SPIDR: variants seen among roughly 807,000 people sequenced by gnomAD.
SPIDR encodes DNA repair-scaffolding protein.
In SPIDR, 93 loss-of-function variants were observed where a neutral mutation model predicts 104.6. That is an observed-to-expected ratio of 0.89 (90% CI 0.75 to 1.06). SPIDR has a LOEUF of 1.06. Among genes scored for constraint, SPIDR ranks in the 50% least tolerant of loss-of-function variants. The pLI is 0.00. For synonymous variants in SPIDR, 431 were observed against 416.9 expected (o/e 1.03, Z -0.41); for missense variants, 1,154 against 1,111.2 (o/e 1.04, Z -0.55).
intron 7 of SPIDR, among the ~76,000 whole-genome samples, chr8:47,423,829 G>A (rs1219191352): frequency 6.6e-6 from 1 of 152,080 alleles, no homozygotes; most frequent in Non-Finnish European, 1.5e-5. Context: ...ATAGAGGCAA[G>A]GGGAAAATAC....
At chr8:47,654,060 T>C (rs1273115376) in intron 10 of SPIDR, 2 of 1,289,606 alleles carry the variant, frequency 1.6e-6, no homozygotes, top group African/African-American at 3.0e-5. Flanking sequence ...AGGGGCGTGG[T>C]AGCAGCATCT....
At chr8:47,307,032 A>G (rs903948439) in intron 5 of SPIDR, among the ~76,000 whole-genome samples, 1 of 152,100 alleles carries the variant, frequency 6.6e-6, no homozygotes, top group African/African-American at 2.4e-5. Flanking sequence ...CCATTCTGTC[A>G]ATCTCTGTCT....
intron 5 of SPIDR, among the ~76,000 whole-genome samples, chr8:47,381,129 C>A (rs1212003332): frequency 6.6e-6 from 1 of 152,240 alleles, no homozygotes; most frequent in Admixed American, 6.5e-5. Flanking sequence ...CATGGCTGCA[C>A]TGGGGTAATA....
At chr8:47,538,529 G>A (rs2087404281) in intron 8 of SPIDR, among the ~76,000 whole-genome samples, 1 of 152,074 alleles carries the variant, frequency 6.6e-6, no homozygotes, top group Admixed American at 6.5e-5. Flanking sequence ...AGACAACAGA[G>A]TGAGACTCTG....
intron 8 of SPIDR, among the ~76,000 whole-genome samples, chr8:47,557,517 T>G (rs1044825867): frequency 2.0e-5 from 3 of 152,190 alleles, no homozygotes; most frequent in Non-Finnish European, 4.4e-5. Context: ...AGAAACTGAT[T>G]ATATAATATT....
At chr8:47,491,629 CA>C (rs1440544142) in intron 8 of SPIDR, among the ~76,000 whole-genome samples, 1 of 152,078 alleles carries the variant, frequency 6.6e-6, no homozygotes, top group African/African-American at 2.4e-5. Flanking sequence ...TGCTGAGGGC[CA>C]GGGGCAGCTG....
chr8:47,275,668 G>A (rs1441815289), intron 1 of SPIDR, among the ~76,000 whole-genome samples: 2 of 152,152 alleles, frequency 1.3e-5, no homozygotes, highest in Non-Finnish European at 2.9e-5. Context: ...GGAAGATAAT[G>A]TCTAATCAGA....
chr8:47,495,123 A>T (rs1392859792), intron 8 of SPIDR, among the ~76,000 whole-genome samples: 1 of 152,146 alleles, frequency 6.6e-6, no homozygotes, highest in Non-Finnish European at 1.5e-5. Flanking sequence ...CAAGAATCTG[A>T]TTGAAATAAC....
At chr8:47,627,411 A>T (rs1158144786) in intron 10 of SPIDR, among the ~76,000 whole-genome samples, 2 of 152,186 alleles carry the variant, frequency 1.3e-5, no homozygotes, top group African/African-American at 4.8e-5. Flanking sequence ...TTAAAAAAAA[A>T]GAAATGATTT....
At chr8:47,662,385 T>G (rs558892482) in intron 10 of SPIDR, among the ~76,000 whole-genome samples, 1 of 152,300 alleles carries the variant, frequency 6.6e-6, no homozygotes, top group Non-Finnish European at 1.5e-5. Context: ...GTCTTCCAGT[T>G]CTTAATTTTA....
chr8:47,510,702 G>A (rs2082187440), intron 8 of SPIDR, among the ~76,000 whole-genome samples: 1 of 152,008 alleles, frequency 6.6e-6, no homozygotes, highest in Non-Finnish European at 1.5e-5. Context: ...AATTGTATAA[G>A]AATTATGTGT....
chr8:47,481,130 T>C (rs144218849), intron 8 of SPIDR, among the ~76,000 whole-genome samples: 1 of 152,336 alleles, frequency 6.6e-6, no homozygotes, highest in East Asian at 1.9e-4. Flanking sequence ...TACTGTTGAA[T>C]ATATGTGAGG....
intron 10 of SPIDR, among the ~76,000 whole-genome samples, chr8:47,615,654 G>C (rs931405657): frequency 2.6e-5 from 4 of 151,686 alleles, no homozygotes; most frequent in Non-Finnish European, 5.9e-5. Flanking sequence ...TAAACCCCAG[G>C]CACTCCACCA....
chr8:47,700,274 G>A (rs151124322), intron 11 of SPIDR, 129 bp from the exon 12 acceptor site: 354 of 951,092 alleles, frequency 3.7e-4, no homozygotes, highest in Middle Eastern at 1.3e-3. Context: ...CCTCTGAATC[G>A]CCACACATCT....
At chr8:47,493,439 A>G (rs1387464384) in intron 8 of SPIDR, among the ~76,000 whole-genome samples, 3 of 152,216 alleles carry the variant, frequency 2.0e-5, no homozygotes, top group Non-Finnish European at 4.4e-5. Context: ...GTGGGACTCC[A>G]AAAATAGGAT....
chr8:47,584,716 C>T (rs2060087077), intron 8 of SPIDR, among the ~76,000 whole-genome samples: 1 of 152,190 alleles, frequency 6.6e-6, no homozygotes, highest in Admixed American at 6.5e-5. Context: ...TTTATCATAT[C>T]TTTAAAAAAT....
At chr8:47,581,528 C>T (rs948468911) in intron 8 of SPIDR, among the ~76,000 whole-genome samples, 1 of 152,038 alleles carries the variant, frequency 6.6e-6, no homozygotes, top group African/African-American at 2.4e-5. Context: ...AGTATCTCTC[C>T]CTGTATAAGG....
At chr8:47,298,999 T>C (rs2041485222) in intron 5 of SPIDR, among the ~76,000 whole-genome samples, 1 of 152,200 alleles carries the variant, frequency 6.6e-6, no homozygotes, top group Non-Finnish European at 1.5e-5. Flanking sequence ...AGAAAGTCAT[T>C]GGTAGCTTGA....
chr8:47,517,462 G>A (rs1224362788), intron 8 of SPIDR, among the ~76,000 whole-genome samples: 1 of 152,052 alleles, frequency 6.6e-6, no homozygotes, highest in Non-Finnish European at 1.5e-5. Context: ...CATATCCATG[G>A]CCACAGATGT....
Sources: allele counts gnomAD v4.1 joint callset (sites outside exome capture counted in the v4.1 genomes callset), GRCh38; gene constraint gnomAD v4.1.1; transcripts MANE v1.5; gene names NCBI Gene and HGNC (gene_info 2026-07-23, HGNC 2026-07-21).